The following SLC1A1 variants were observed in gnomAD, a reference collection of about 807,000 sequenced individuals.
The protein encoded by SLC1A1 is solute carrier family 1 member 1, also known as excitatory amino acid transporter 3.
SLC1A1 carries 43 observed loss-of-function variants against 53.3 expected under a neutral mutation model. The observed-to-expected ratio is 0.81, with a 90% confidence interval of 0.63 to 1.04. The LOEUF is 1.04. SLC1A1 is among the 50% of genes least tolerant of loss of function. The pLI, the probability that SLC1A1 is intolerant of heterozygous loss-of-function variation, is 0.00. For synonymous variants in SLC1A1, 307 were observed against 243.2 expected (o/e 1.26, Z -2.44); for missense variants, 748 against 664.9 (o/e 1.12, Z -1.37).
At chr9:4,526,331 T>C (rs1374699371) in intron 1 of SLC1A1, among the ~76,000 whole-genome samples, 1 of 152,176 alleles carries the variant, frequency 6.6e-6, no homozygotes, top group African/African-American at 2.4e-5. Context: ...CTGGATCTAC[T>C]TGTATTAATA....
intron 7 of SLC1A1, 141 bp downstream of exon 7, chr9:4,572,529 T>A: frequency 1.2e-6 from 1 of 805,612 alleles, no homozygotes; most frequent in Non-Finnish European, 2.1e-6. Context: ...GAGTATTTTG[T>A]GGGGGCTTTT....
Position 4,583,055 on chromosome 9 carries a change from C to T in SLC1A1, c.1211C>T (p.Ala404Val), listed in dbSNP as rs776620900. ...IITISITATS[A>V]SIGAAGVPQA... ...TTCTGCAGTATCACGGCCACATCTG[C>T]CAGCATCGGAGCTGCTGGCGTGCCC... Residue 404 changes from alanine (A) to valine (V), a missense_variant, in exon 11 of 12, where the codon GCC becomes GTC. By Grantham distance (64) the Ala-to-Val change is moderately conservative (BLOSUM62 0). Transcript: ENST00000262352. This position sits in a 1 kb window ranked among gnomAD's most constrained non-coding sequence, Gnocchi z 4.6. 6.2e-7 allele frequency: 1 copy of T among 1,614,240 alleles called. No individual in the cohort carries two copies. Among genetic ancestry groups the T allele is most frequent in the Admixed American group, 1.7e-5 (1 of 60,036 alleles).
chr9:4,493,356 CTGATT>C (rs1677904669), intron 1 of SLC1A1, among the ~76,000 whole-genome samples: 1 of 152,140 alleles, frequency 6.6e-6, no homozygotes. Context: ...TCTGTAAGGG[CTGATT>C]TGTTTAATTG....
In SLC1A1 at chr9:4,585,895, C is replaced by A; in HGVS notation, c.*337C>A. The A allele has an allele frequency of 4.0e-6, 1 of 250,816 alleles. No individual in the cohort carries two copies. Among genetic ancestry groups the A allele is most frequent in the Non-Finnish European group, 7.8e-6 (1 of 128,316 alleles). The allele number at this position is 250,816 out of a possible 1,614,324, so 15.5% of individuals were successfully genotyped here. A position where few individuals can be genotyped will look rare whatever the true frequency, so the allele number is the denominator to read the frequency against. ...GAGAAAATGCTTTCTCATGCATAGA[C>A]AAGTGTTTTGGGTTTTTAAAAAAAA... On this transcript the variant is annotated 3_prime_UTR_variant, in exon 12 of 12. Coordinates refer to ENST00000262352, the MANE Select transcript of SLC1A1 (RefSeq NM_004170.6).
In SLC1A1 at chr9:4,583,662, A is replaced by G. The variant is rs1478432712; in HGVS notation, c.1328+490A>G. ...ACCTCGAGCAAGTTTCCTTAACCTG[A>G]GGCCCAGTTGCATAATCTGTGAGAT... On this transcript the variant is annotated intron_variant, in intron 11 of 11. Coordinates refer to ENST00000262352, the MANE Select transcript of SLC1A1 (RefSeq NM_004170.6). The surrounding 1 kb of genome is among the most constrained non-coding windows in gnomAD (Gnocchi z 4.6). 1.3e-5 allele frequency among the ~76,000 whole-genome samples: 2 copies of G among 152,136 alleles called. No homozygotes were observed.
chr9:4,515,242 G>A (rs1020954470), intron 1 of SLC1A1, among the ~76,000 whole-genome samples: 1 of 152,124 alleles, frequency 6.6e-6, no homozygotes, highest in African/African-American at 2.4e-5. Context: ...CACTACTGCT[G>A]CATTTTGTCT....
chr9:4,541,686 A>T (rs1449758773), intron 1 of SLC1A1, among the ~76,000 whole-genome samples: 1 of 152,244 alleles, frequency 6.6e-6, no homozygotes, highest in African/African-American at 2.4e-5. Context: ...CTCAGGTTCC[A>T]TAATCACATT....
In SLC1A1 at chr9:4,576,728, C is replaced by T; in HGVS notation, c.1158C>T (p.Asp386=). ...CGGTGTTTATTGCACAGTTGAATGA[C>T]CTGGACTTGGGCATTGGGCAGATCA... is the stretch of plus-strand genomic sequence containing the variant. ...VAAVFIAQLN[D]LDLGIGQIIT... Residue 386 remains aspartate (D), a synonymous_variant, in exon 10 of 12, where the codon GAC becomes GAT. Coordinates refer to ENST00000262352, the MANE Select transcript of SLC1A1 (RefSeq NM_004170.6). The T allele has an allele frequency of 6.2e-7, 1 of 1,614,166 alleles. No individual in the cohort carries two copies. The highest frequency in any genetic ancestry group is 2.2e-5 in the East Asian group (1 of 44,890).
At chr9:4,493,269 C>A (rs1302606448) in intron 1 of SLC1A1, among the ~76,000 whole-genome samples, 1 of 152,196 alleles carries the variant, frequency 6.6e-6, no homozygotes, top group African/African-American at 2.4e-5. Flanking sequence ...CCGATATGCC[C>A]ATTAACAGGG....
chr9:4,565,863 T>C (rs941808603), intron 4 of SLC1A1, among the ~76,000 whole-genome samples, 184 bp from the exon 5 acceptor site: 10 of 152,202 alleles, frequency 6.6e-5, no homozygotes, highest in Non-Finnish European at 1.2e-4. Flanking sequence ...CAGAGCTTTC[T>C]ATACTTGGGT....
At chr9:4,527,844 A>G (rs1816318345) in intron 1 of SLC1A1, among the ~76,000 whole-genome samples, 1 of 152,072 alleles carries the variant, frequency 6.6e-6, no homozygotes. Context: ...GTCTTCTGAA[A>G]AGAAGTGGCA....
intron 6 of SLC1A1, among the ~76,000 whole-genome samples, chr9:4,568,229 G>T (rs762759080): frequency 5.3e-5 from 8 of 151,994 alleles, no homozygotes; most frequent in Non-Finnish European, 8.8e-5. Context: ...AGACCAGTCT[G>T]CGCAACATAG....
At chr9:4,534,415 C>G (rs1816596230) in intron 1 of SLC1A1, among the ~76,000 whole-genome samples, 1 of 152,176 alleles carries the variant, frequency 6.6e-6, no homozygotes, top group Admixed American at 6.5e-5. Flanking sequence ...AGACTACCAT[C>G]AGAGAATACT....
In SLC1A1 at chr9:4,581,848, A is replaced by T. The variant is rs534133818; in HGVS notation, c.1194-1190A>T. On this transcript the variant is annotated intron_variant, in intron 10 of 11. Coordinates refer to ENST00000262352, the MANE Select transcript of SLC1A1 (RefSeq NM_004170.6). ...GTCAAAAAACTCTGGCCTGTGTTTG[A>T]CTGTACCCTCAAATGCTTTCTGCAA... Among the ~76,000 whole-genome samples, 38 of 152,290 alleles carry T rather than the reference A, an allele frequency of 2.5e-4. 1 individual carries two copies. Among genetic ancestry groups the T allele is most frequent in the Admixed American group, 5.2e-4 (8 of 15,302 alleles).
chr9:4,512,791 G>T (rs775711882), intron 1 of SLC1A1, among the ~76,000 whole-genome samples: 5 of 151,824 alleles, frequency 3.3e-5, no homozygotes, highest in African/African-American at 4.8e-5. Flanking sequence ...TTGAGACAGG[G>T]TCTCACTCTG....
intron 10 of SLC1A1, among the ~76,000 whole-genome samples, chr9:4,578,322 A>G (rs1820754176): frequency 6.6e-6 from 1 of 152,236 alleles, no homozygotes; most frequent in African/African-American, 2.4e-5. Flanking sequence ...AATGAATAAT[A>G]GTACCTACAA....
chr9:4,522,941 G>A (rs982545057), intron 1 of SLC1A1, among the ~76,000 whole-genome samples: 16 of 152,182 alleles, frequency 1.1e-4, no homozygotes, highest in African/African-American at 3.9e-4. Flanking sequence ...AGTACTGGCT[G>A]CAGCTTCCTT....
chr9:4,567,969 T>C (rs1819646683), intron 6 of SLC1A1, among the ~76,000 whole-genome samples: 2 of 152,326 alleles, frequency 1.3e-5, no homozygotes, highest in South Asian at 4.1e-4. Context: ...GCAAAATATT[T>C]GAGTCACCCG....
chr9:4,540,236 C>A (rs536793330), intron 1 of SLC1A1, among the ~76,000 whole-genome samples: 1 of 152,162 alleles, frequency 6.6e-6, no homozygotes, highest in South Asian at 2.1e-4. Flanking sequence ...GGAAGATTAT[C>A]CCGCTCCATC....
Sources: allele counts gnomAD v4.1 joint callset (sites outside exome capture counted in the v4.1 genomes callset), GRCh38; gene constraint gnomAD v4.1.1; non-coding constraint Gnocchi (gnomAD v3.1); transcripts MANE v1.5; gene names NCBI Gene and HGNC (gene_info 2026-07-23, HGNC 2026-07-21).